COL7A1: variants seen among roughly 807,000 people sequenced by gnomAD.
COL7A1 encodes collagen alpha-1(VII) chain.
Under a neutral mutation model 456.2 loss-of-function variants are expected in COL7A1, and 296 were observed. The observed-to-expected ratio is 0.65, with a 90% CI of 0.59 to 0.71. The LOEUF is 0.71. Ranked by LOEUF, COL7A1 falls within the 30% of genes least tolerant of loss-of-function variation. COL7A1 has a pLI of 0.00. For synonymous variants in COL7A1, 1,464 were observed against 1,525.9 expected (o/e 0.96, Z 0.95); for missense variants, 3,441 against 4,017.2 (o/e 0.86, Z 3.88).
Position 48,591,327 on chromosome 3 carries a change from G to T in COL7A1, c.1636+137C>A. On this transcript the variant is annotated intron_variant, in intron 13 of 118. Coordinates refer to ENST00000681320, the MANE Select transcript of COL7A1 (RefSeq NM_000094.4). The surrounding 1 kb of genome is among the most constrained non-coding windows in gnomAD (Gnocchi z 7.0). ...ACAGTTCAGGGCTCAGTGCCATCTT[G>T]GGAAGCAGATGGATAACGAGACAGG... is the stretch of plus-strand genomic sequence containing the variant. 1.6e-6 allele frequency: 2 copies of T among 1,231,066 alleles called. No homozygotes were observed. The highest frequency in any genetic ancestry group is 1.1e-6 in the Non-Finnish European group (1 of 881,078). The allele number at this position is 1,231,066 out of a possible 1,614,324, so 76.3% of individuals were successfully genotyped here. A position where few individuals can be genotyped will look rare whatever the true frequency, so the allele number is the denominator to read the frequency against.
In COL7A1 at chr3:48,573,664, C is replaced by A. The variant is rs1321151110; in HGVS notation, c.6573+26G>T. The A allele has an allele frequency of 2.5e-6, 4 of 1,612,606 alleles. No individual in the cohort carries two copies. The highest frequency in any genetic ancestry group is 3.4e-6 in the Non-Finnish European group (4 of 1,179,372). On this transcript the variant is annotated intron_variant, in intron 82 of 118. Transcript: ENST00000681320. This position sits in a 1 kb window ranked among gnomAD's most constrained non-coding sequence, Gnocchi z 5.5. ...CTATCCCAGCCCTTCCAGACCCTCACCAGGCAGTGTTCCCTGGTCACTCAC... is the reference window on the plus strand; with the variant it reads ...CTATCCCAGCCCTTCCAGACCCTCAACAGGCAGTGTTCCCTGGTCACTCAC...
Position 48,565,612 on chromosome 3 carries a change from T to C in COL7A1, c.8440+24A>G, listed in dbSNP as rs766445126. On this transcript the variant is annotated intron_variant, in intron 115 of 118. Transcript: ENST00000681320. The surrounding 1 kb of genome is among the most constrained non-coding windows in gnomAD (Gnocchi z 4.5). ...AGGGCAGGGCCTGGGGTGAAGAAAG[T>C]TCTGGGAGTAGAAAACTACTCACGT... is the stretch of plus-strand genomic sequence containing the variant. The C allele has an allele frequency of 6.2e-7, 1 of 1,614,052 alleles. No individual in the cohort carries two copies. Among genetic ancestry groups the C allele is most frequent in the South Asian group, 1.1e-5 (1 of 91,068 alleles).
In COL7A1 at chr3:48,566,717, T is replaced by C. The variant is rs752848483; in HGVS notation, c.8247A>G (p.Gly2749=). Reference sequence around the variant, plus strand: ...CCCCAGGAGCCCCCACCACTCTCTCTCCGGGGGGACCTCGCTCACCCTGTC... The same window carrying C: ...CCCCAGGAGCCCCCACCACTCTCTCCCCGGGGGGACCTCGCTCACCCTGTC... ...QGQKGERGPP[G]ERVVGAPGVP... Residue 2749 remains glycine (G), a synonymous_variant, in exon 112 of 119, where the codon GGA becomes GGG. Transcript: ENST00000681320. This position sits in a 1 kb window ranked among gnomAD's most constrained non-coding sequence, Gnocchi z 5.9. 45 of 1,613,478 alleles carry C rather than the reference T, an allele frequency of 2.8e-5. No homozygotes were observed. Among genetic ancestry groups the C allele is most frequent in the Non-Finnish European group, 3.6e-5 (42 of 1,179,888 alleles).
rs1404367222 is a variant in COL7A1, at chr3:48,588,659, G to C, written c.2570C>G (p.Ser857Cys). 6.2e-7 allele frequency: 1 copy of C among 1,613,870 alleles called. No individual in the cohort carries two copies. The highest frequency in any genetic ancestry group is 8.5e-7 in the Non-Finnish European group (1 of 1,180,050). The change falls in exon 20 of 119, where the codon TCC (serine) becomes TGC (cysteine). Residue 857 changes from serine (S) to cysteine (C), a missense_variant. Coordinates refer to ENST00000681320, the MANE Select transcript of COL7A1 (RefSeq NM_000094.4). The surrounding 1 kb of genome is among the most constrained non-coding windows in gnomAD (Gnocchi z 4.6). ...CTGCCTACGCGTAGTGACAACAATG[G>C]AGACAGGTGTGCCCTCGCGGTCCCC... ...LVGDREGTPV[S>C]IVVTTPPEAP...
Position 48,583,575 on chromosome 3 carries a change from G to C in COL7A1, c.4382C>G (p.Pro1461Arg), listed in dbSNP as rs766650302. 6.8e-6 allele frequency: 11 copies of C among 1,613,924 alleles called. No individual in the cohort carries two copies. The highest frequency in any genetic ancestry group is 2.5e-6 in the Non-Finnish European group (3 of 1,180,026). Residue 1461 changes from proline to arginine, a missense_variant, in exon 41 of 119, where the codon CCT (proline) becomes CGT (arginine). Physicochemically the swap from Pro to Arg is moderately radical, Grantham distance 103 (BLOSUM62 -2). Around this residue, in one of 3 missense-constraint regions of COL7A1, gnomAD observed 2,084 missense variants for 2,501.3 expected, o/e 0.83. Transcript: ENST00000681320. This position sits in a 1 kb window ranked among gnomAD's most constrained non-coding sequence, Gnocchi z 5.1. ...ACTCACCTGCTCACCCGGAGACCCA[G>C]GTTGTCCTGGGAGGCCTGGAGCTCC... ...EDGAPGLPGQ[P>R]GSPGEQGPRG...
chr3:48,567,732 A>G lies in COL7A1; in HGVS notation c.7961T>C (p.Leu2654Pro), dbSNP rs2043670391. Residue 2654 changes from leucine (L) to proline (P), a missense_variant, in exon 108 of 119, where the codon CTG (leucine) becomes CCG (proline). Around this residue, in one of 3 missense-constraint regions of COL7A1, gnomAD observed 2,084 missense variants for 2,501.3 expected, o/e 0.83. Transcript: ENST00000681320. The surrounding 1 kb of genome is among the most constrained non-coding windows in gnomAD (Gnocchi z 4.3). ...GEAGPPGRPG[L>P]AGHKGEMGEP... is the part of the protein sequence containing the mutation. ...CACCATCTCTCCTTTGTGTCCTGCC[A>G]GCCCGGGGCGGCCTGGGGGACCAGC... is the stretch of plus-strand genomic sequence containing the variant. 1 of 1,613,738 alleles carries G rather than the reference A, an allele frequency of 6.2e-7. No homozygotes were observed.
Position 48,570,518 on chromosome 3 carries a change from G to A in COL7A1, c.7345-18C>T, listed in dbSNP as rs200797171. The A allele has an allele frequency of 2.2e-5, 35 of 1,613,898 alleles. No homozygotes were observed. The highest frequency in any genetic ancestry group is 3.3e-5 in the Admixed American group (2 of 60,002). Reference sequence around the variant, plus strand: ...GGTGGTCCCTGTAGGTCAGAGTGAGGTGAGGGTCCTGTGGCTCTCAAAGCG... The same window carrying A: ...GGTGGTCCCTGTAGGTCAGAGTGAGATGAGGGTCCTGTGGCTCTCAAAGCG... On this transcript the variant is annotated intron_variant, in intron 96 of 118. Transcript: ENST00000681320. This position sits in a 1 kb window ranked among gnomAD's most constrained non-coding sequence, Gnocchi z 5.5.
rs750065344 is a variant in COL7A1 at position 48,586,182 on chromosome 3, C to A, written c.3615G>T (p.Pro1205=). The A allele has an allele frequency of 6.2e-7, 1 of 1,613,240 alleles. No homozygotes were observed. Among genetic ancestry groups the A allele is most frequent in the Non-Finnish European group, 8.5e-7 (1 of 1,180,042 alleles). ...AGAAGGTCTGGACAGAGTCCATACC[C>A]GGCGCCAAGCGACGCAGCTGCTCTG... ...ADPEQLRRLA[P]GMDSVQTFFA... Residue 1205 remains proline (P), a synonymous_variant, in exon 28 of 119, where the codon CCG becomes CCT. Transcript: ENST00000681320. The surrounding 1 kb of genome is among the most constrained non-coding windows in gnomAD (Gnocchi z 5.1).
At position 48,576,702 on chromosome 3, in the gene COL7A1, G is replaced by C; in HGVS notation, c.5674C>G (p.Pro1892Ala). 1 of 1,608,480 alleles carries C rather than the reference G, an allele frequency of 6.2e-7. No individual in the cohort carries two copies. Among genetic ancestry groups the C allele is most frequent in the Non-Finnish European group, 8.5e-7 (1 of 1,177,946 alleles). ...TGGCCAGGAGGGCCCACTGGCCCTG[G>C]GAGGCCTGGAGGCCCCTGGGGTCCA... ...ILGPQGPPGL[P>A]GPVGPPGQGF... is the part of the protein sequence containing the mutation. Residue 1892 changes from proline to alanine, a missense_variant, in exon 68 of 119, where the codon CCA becomes GCA. By Grantham distance (27) the Pro-to-Ala change is conservative. Around this residue, in one of 3 missense-constraint regions of COL7A1, gnomAD observed 2,084 missense variants for 2,501.3 expected, o/e 0.83. Transcript: ENST00000681320.
At position 48,595,127 on chromosome 3, in the gene COL7A1, G is replaced by A. The variant is rs1406717458; in HGVS notation, c.33C>T (p.Cys11=). The stretch of plus-strand genomic sequence containing the variant: ...GGGGCGCCTCTGCCAGGATCCCGGC[G>A]CAGAGCGCGGCCACCAGAAGCCGCA... MTLRLLVAAL[C]AGILAEAPRV... The change falls in exon 2 of 119, where the codon TGC becomes TGT. Residue 11 remains cysteine (C), a synonymous_variant. Coordinates refer to ENST00000681320, the MANE Select transcript of COL7A1 (RefSeq NM_000094.4). The A allele has an allele frequency of 1.3e-6, 2 of 1,554,216 alleles. 1 individual carries two copies. Among genetic ancestry groups the A allele is most frequent in the South Asian group, 2.4e-5 (2 of 84,414 alleles).
rs531715385 is a variant in COL7A1, at chr3:48,572,456, C to A, written c.6937-35G>T. The A allele has an allele frequency of 6.2e-7, 1 of 1,613,894 alleles. No individual in the cohort carries two copies. The highest frequency in any genetic ancestry group is 1.3e-5 in the African/African-American group (1 of 74,944). On this transcript the variant is annotated intron_variant, in intron 89 of 118. Transcript: ENST00000681320. This position sits in a 1 kb window ranked among gnomAD's most constrained non-coding sequence, Gnocchi z 4.6. ...GGGAGAGGTCAGTGGGATTCCTTGG[C>A]CCCCACCAGTTGACCCCCCCTCACT...
At position 48,570,299 on chromosome 3, in the gene COL7A1, G is replaced by A. The variant is rs142651194; in HGVS notation, c.7416C>T (p.Gly2472=). 548 of 1,614,050 alleles carry A rather than the reference G, an allele frequency of 3.4e-4. No individual in the cohort carries two copies. The highest frequency in any genetic ancestry group is 4.2e-4 in the Non-Finnish European group (492 of 1,179,974). The change falls in exon 98 of 119, where the codon GGC becomes GGT. Residue 2472 remains glycine (G), a synonymous_variant. Coordinates refer to ENST00000681320, the MANE Select transcript of COL7A1 (RefSeq NM_000094.4). This position sits in a 1 kb window ranked among gnomAD's most constrained non-coding sequence, Gnocchi z 5.5. ...DPGVGLPGPR[G]ERGEPGIRGE... ...CCCGGATGCCTGGCTCCCCACGCTC[G>A]CCTCGGGGCCCAGGCAGCCCTACTC...
chr3:48,565,534 A>G lies in COL7A1; in HGVS notation c.8441-38T>C. ...GCAGGGGCCTCAGGGCCCTGAAGTCACCATGGGCAGCCATCCCAGCCAACC... is the reference window on the plus strand; with the variant it reads ...GCAGGGGCCTCAGGGCCCTGAAGTCGCCATGGGCAGCCATCCCAGCCAACC... On this transcript the variant is annotated intron_variant, in intron 115 of 118. Transcript: ENST00000681320. The surrounding 1 kb of genome is among the most constrained non-coding windows in gnomAD (Gnocchi z 4.5). The G allele has an allele frequency of 6.2e-7, 1 of 1,613,522 alleles. No individual in the cohort carries two copies. Among genetic ancestry groups the G allele is most frequent in the Non-Finnish European group, 8.5e-7 (1 of 1,179,492 alleles).
chr3:48,564,986 C>T lies in COL7A1; in HGVS notation c.8621-6G>A. ...CAGTGGCAGGGAACAGGGGTCTGGGCCAATGGGGTCAAGTCAGCAGGGTTT... is the reference window on the plus strand; with the variant it reads ...CAGTGGCAGGGAACAGGGGTCTGGGTCAATGGGGTCAAGTCAGCAGGGTTT... On this transcript the variant is annotated splice_polypyrimidine_tract_variant and splice_region_variant and intron_variant, in intron 117 of 118. Transcript: ENST00000681320. This position sits in a 1 kb window ranked among gnomAD's most constrained non-coding sequence, Gnocchi z 6.0. 1 of 1,614,088 alleles carries T rather than the reference C, an allele frequency of 6.2e-7. No individual in the cohort carries two copies. Among genetic ancestry groups the T allele is most frequent in the Non-Finnish European group, 8.5e-7 (1 of 1,179,982 alleles).
rs1385537743 is a variant in COL7A1, at chr3:48,580,413, G to A, written c.5053-69C>T. 3.2e-6 allele frequency: 5 copies of A among 1,561,456 alleles called. No individual in the cohort carries two copies. The highest frequency in any genetic ancestry group is 4.4e-6 in the Non-Finnish European group (5 of 1,142,966). On this transcript the variant is annotated intron_variant, in intron 55 of 118. Coordinates refer to ENST00000681320, the MANE Select transcript of COL7A1 (RefSeq NM_000094.4). This position sits in a 1 kb window ranked among gnomAD's most constrained non-coding sequence, Gnocchi z 4.5. The stretch of plus-strand genomic sequence containing the variant: ...TTTGGGAGAGCTTTGGAAGCACCAT[G>A]AGGACTCATGGGAATGTTGGTAGCC...
intron 16 of COL7A1, 65 bp from the exon 17 acceptor site, chr3:48,589,783 G>A (rs2045562205): frequency 6.2e-7 from 1 of 1,610,868 alleles, no homozygotes; most frequent in Non-Finnish European, 8.5e-7. Flanking sequence ...TATCTGATAG[G>A]GGAAGATGAT....
At position 48,565,685 on chromosome 3, in the gene COL7A1, G is replaced by A. The variant is rs9856504; in HGVS notation, c.8408-17C>T. ...CCTGGCAGGCTAGAGGGGGCAGAGA[G>A]GGATAGAGAGACAATGACAGAGAGA... On this transcript the variant is annotated splice_polypyrimidine_tract_variant and intron_variant, in intron 114 of 118. Coordinates refer to ENST00000681320, the MANE Select transcript of COL7A1 (RefSeq NM_000094.4). This position sits in a 1 kb window ranked among gnomAD's most constrained non-coding sequence, Gnocchi z 4.5. 2 of 1,609,490 alleles carry A rather than the reference G, an allele frequency of 1.2e-6. No individual in the cohort carries two copies. Among genetic ancestry groups the A allele is most frequent in the Admixed American group, 3.4e-5 (2 of 59,384 alleles).
rs779142959 is a variant in COL7A1 at position 48,591,753 on chromosome 3, G to A, written c.1427C>T (p.Pro476Leu). ...VTRYQLDGLQ[P>L]GTEYRLTLYT... ...GAGTGTGAGGCGGTACTCAGTGCCC[G>A]GCTGCAGCCCATCCAACTGGTAGCG... Residue 476 changes from proline (P) to leucine (L), a missense_variant, in exon 12 of 119, where the codon CCG (proline) becomes CTG (leucine). Transcript: ENST00000681320. The surrounding 1 kb of genome is among the most constrained non-coding windows in gnomAD (Gnocchi z 7.0). The A allele has an allele frequency of 1.4e-5, 22 of 1,614,016 alleles. No homozygotes were observed. Among genetic ancestry groups the A allele is most frequent in the South Asian group, 6.6e-5 (6 of 91,090 alleles).
Position 48,586,416 on chromosome 3 carries a change from G to C in COL7A1, c.3466C>G (p.His1156Asp). The change falls in exon 27 of 119, where the codon CAC becomes GAC. Residue 1156 changes from histidine (H) to aspartate (D), a missense_variant. This residue lies in a region of COL7A1 where 2,084 missense variants were observed against 2,501.3 expected (regional missense o/e 0.83). Transcript: ENST00000681320. The surrounding 1 kb of genome is among the most constrained non-coding windows in gnomAD (Gnocchi z 5.1). ...AGCAGAACCATCACCCCTGGTACGT[G>C]CTGGCGGCGCCCAGGAGCATCTGGT... ...LAPDAPGRRQ[H>D]VPGVMVLLVD... The C allele has an allele frequency of 6.2e-7, 1 of 1,613,894 alleles. No individual in the cohort carries two copies. Among genetic ancestry groups the C allele is most frequent in the South Asian group, 1.1e-5 (1 of 91,088 alleles).
Sources: gnomAD v4.1 joint callset for allele counts on GRCh38, gnomAD v4.1.1 for gene constraint, gnomAD v4.1.1 regional missense constraint, Gnocchi (gnomAD v3.1) non-coding constraint, MANE v1.5 for transcripts, NCBI Gene and HGNC (gene_info 2026-07-23, HGNC 2026-07-21) for gene names.